Variants in DZANK1 observed in about 807,000 individuals in gnomAD.
DZANK1 encodes double zinc ribbon and ankyrin repeat domains 1.
Under a neutral mutation model 94.5 loss-of-function variants are expected in DZANK1, and 91 were observed. The ratio of observed to expected loss-of-function variants is 0.96; its 90% confidence interval spans 0.81 to 1.15. The LOEUF (loss-of-function observed/expected upper bound fraction) is 1.15. Among genes scored for constraint, DZANK1 ranks in the 50% most tolerant of loss-of-function variants. The pLI, the probability that DZANK1 is intolerant of heterozygous loss-of-function variation, is 0.00. For synonymous variants in DZANK1, 312 were observed against 325.3 expected, an observed-to-expected ratio of 0.96 and a Z score of 0.44; for missense variants, 903 against 916.4, an observed-to-expected ratio of 0.99 and a Z score of 0.19.
At chr20:18,408,915 A>G (rs2148925) in intron 13 of DZANK1, among the ~76,000 whole-genome samples, 125,847 of 152,166 alleles carry the variant, frequency 0.83, 52,581 homozygotes, top group South Asian at 0.96. Context: ...GACTTAAATA[A>G]AAAGACTAAA....
chr20:18,444,664 G>A (rs963127830), intron 7 of DZANK1, among the ~76,000 whole-genome samples: 12 of 152,238 alleles, frequency 7.9e-5, no homozygotes, highest in African/African-American at 1.7e-4. Context: ...CATATTTACC[G>A]AGGTATCAGT....
exon 12 of DZANK1, chr20:18,414,422 C>A (rs1248224688): frequency 6.2e-7 from 1 of 1,613,982 alleles, no homozygotes; most frequent in South Asian, 1.1e-5. Context: ...AGGGACTTCA[C>A]ACAAATACCA....
intron 4 of DZANK1, chr20:18,454,409 G>C: frequency 1.1e-5 from 2 of 189,878 alleles, no homozygotes; most frequent in Non-Finnish European, 1.1e-5. Flanking sequence ...TCATGGTCAA[G>C]CTTAAGTGAA....
intron 13 of DZANK1, among the ~76,000 whole-genome samples, chr20:18,402,441 G>A (rs748665461): frequency 6.6e-6 from 1 of 152,058 alleles, no homozygotes; most frequent in African/African-American, 2.4e-5. Flanking sequence ...ACACTCAATG[G>A]ATAAGGGAAT....
intron 13 of DZANK1, among the ~76,000 whole-genome samples, chr20:18,406,801 C>G (rs560966193): frequency 6.6e-6 from 1 of 152,296 alleles, no homozygotes; most frequent in South Asian, 2.1e-4. Context: ...CTGCTCTGGG[C>G]CAGAGGGGAG....
At chr20:18,459,765 C>T (rs956082676) in intron 3 of DZANK1, among the ~76,000 whole-genome samples, 8 of 152,208 alleles carry the variant, frequency 5.3e-5, no homozygotes, top group South Asian at 4.1e-4. Context: ...TCGAGAATGA[C>T]GGCGGTGGTT....
intron 9 of DZANK1, among the ~76,000 whole-genome samples, chr20:18,428,145 C>T (rs1214677453): frequency 2.8e-5 from 4 of 144,332 alleles, no homozygotes; most frequent in South Asian, 4.5e-4. Context: ...AGCAAGACTC[C>T]GTCTCAAAAA....
intron 2 of DZANK1, among the ~76,000 whole-genome samples, chr20:18,463,494 G>T (rs529121655): frequency 4.2e-5 from 5 of 119,256 alleles, no homozygotes; most frequent in African/African-American, 1.7e-4. Flanking sequence ...TAAAATAAAA[G>T]TTGTAAAAGA....
At chr20:18,429,736 G>A (rs974567036) in intron 9 of DZANK1, among the ~76,000 whole-genome samples, 6 of 152,302 alleles carry the variant, frequency 3.9e-5, no homozygotes, top group Admixed American at 2.6e-4. Context: ...TCTATTAAAC[G>A]TAGTTTTCTT....
chr20:18,460,017 C>T (rs2148809893), intron 3 of DZANK1, 136 bp downstream of exon 3: 1 of 638,906 alleles, frequency 1.6e-6, no homozygotes, highest in Non-Finnish European at 2.4e-6. Context: ...ATGTTACATA[C>T]ATATGCTGAA....
At chr20:18,405,462 T>A (rs923265108) in intron 13 of DZANK1, among the ~76,000 whole-genome samples, 1 of 152,018 alleles carries the variant, frequency 6.6e-6, no homozygotes, top group South Asian at 2.1e-4. Flanking sequence ...AAGAGACCCA[T>A]TGGAAGCTAT....
intron 4 of DZANK1, chr20:18,454,742 A>G (rs1300819454): frequency 2.6e-5 from 4 of 155,480 alleles, no homozygotes; most frequent in Non-Finnish European, 4.3e-5. Flanking sequence ...GTGCAAGGCA[A>G]TGAGTATGGC....
intron 2 of DZANK1, among the ~76,000 whole-genome samples, chr20:18,462,001 A>G (rs1292271997): frequency 6.6e-6 from 1 of 151,696 alleles, no homozygotes; most frequent in Non-Finnish European, 1.5e-5. Context: ...TTTGACCACA[A>G]TCTTCCTCAT....
chr20:18,466,119 G>A (rs536007564), intron 1 of DZANK1, among the ~76,000 whole-genome samples: 34 of 152,188 alleles, frequency 2.2e-4, no homozygotes, highest in African/African-American at 7.7e-4. Flanking sequence ...AGGTTTCAGG[G>A]GGAAAAAACG....
chr20:18,458,493 A>G (rs1370238912), intron 3 of DZANK1, among the ~76,000 whole-genome samples: 1 of 152,210 alleles, frequency 6.6e-6, no homozygotes, highest in Non-Finnish European at 1.5e-5. Context: ...CATCTTCAAG[A>G]AAGTTAGCTT....
At chr20:18,410,292 A>T (rs2057188188) in intron 13 of DZANK1, among the ~76,000 whole-genome samples, 2 of 152,204 alleles carry the variant, frequency 1.3e-5, no homozygotes, top group Non-Finnish European at 2.9e-5. Flanking sequence ...AAAGTTGGGA[A>T]GAGGGAATTG....
intron 20 of DZANK1, 92 bp from the exon 21 acceptor site, chr20:18,384,656 G>GGTCCCACAT: frequency 7.2e-7 from 1 of 1,390,410 alleles, no homozygotes; most frequent in Non-Finnish European, 9.6e-7. Context: ...AGGCCAGGCT[G>GGTCCCACAT]GGCCCCTCCT....
At chr20:18,406,113 C>T (rs535852553) in intron 13 of DZANK1, among the ~76,000 whole-genome samples, 1 of 152,350 alleles carries the variant, frequency 6.6e-6, no homozygotes, top group East Asian at 1.9e-4. Flanking sequence ...ACTTGAAAGG[C>T]AGTCTAGGAC....
At chr20:18,408,886 T>G (rs974369396) in intron 13 of DZANK1, among the ~76,000 whole-genome samples, 2 of 152,202 alleles carry the variant, frequency 1.3e-5, no homozygotes, top group Non-Finnish European at 2.9e-5. Context: ...ACTGGCATTG[T>G]GGTGTGTGAA....
Sources: gnomAD v4.1 joint callset for allele counts (sites outside exome capture counted in the v4.1 genomes callset) on GRCh38, gnomAD v4.1.1 for gene constraint, MANE v1.5 for transcripts, NCBI Gene and HGNC (gene_info 2026-07-23, HGNC 2026-07-21) for gene names.